The following TSTD2 variants were observed in gnomAD, a reference collection of about 807,000 sequenced individuals.
The protein encoded by TSTD2 is thiosulfate sulfurtransferase like domain containing 2.
Under a neutral mutation model 47.9 loss-of-function variants are expected in TSTD2, and 37 were observed. The ratio of observed to expected loss-of-function variants is 0.77; its 90% confidence interval spans 0.59 to 1.02. TSTD2 has a LOEUF of 1.02. TSTD2 is among the 50% of genes least tolerant of loss of function. TSTD2 has a pLI of 0.00. For synonymous variants in TSTD2, 201 were observed against 215.9 expected (o/e 0.93, Z 0.61); for missense variants, 586 against 616.0 (o/e 0.95, Z 0.52).
intron 8 of TSTD2, 33 bp downstream of exon 8, chr9:97,605,450 C>T: frequency 6.2e-7 from 1 of 1,610,440 alleles, no homozygotes; most frequent in Non-Finnish European, 8.5e-7. Flanking sequence ...TCCTTCACTG[C>T]CATGCCCACA....
At position 97,602,775 on chromosome 9, in the gene TSTD2, G is replaced by A; in HGVS notation, c.1253-8C>T. 1 of 1,593,196 alleles carries A rather than the reference G, an allele frequency of 6.3e-7. No homozygotes were observed. The highest frequency in any genetic ancestry group is 8.6e-7 in the Non-Finnish European group (1 of 1,167,544). ...CTCCACAGTATGAACACTCTGGGGA[G>A]GAAGGAAAAGCCATCATTATAAACA... On this transcript the variant is annotated splice_region_variant and splice_polypyrimidine_tract_variant and intron_variant, in intron 9 of 9. Transcript: ENST00000341170.
At chr9:97,611,921 CTG>C (rs888966137) in intron 4 of TSTD2, among the ~76,000 whole-genome samples, 49 of 152,162 alleles carry the variant, frequency 3.2e-4, no homozygotes, top group African/African-American at 1.1e-3. Context: ...GCAGGTAAAA[CTG>C]TGTCATGGGG....
intron 3 of TSTD2, among the ~76,000 whole-genome samples, chr9:97,625,105 CTCT>C (rs1156625556): frequency 6.6e-6 from 1 of 152,102 alleles, no homozygotes; most frequent in Non-Finnish European, 1.5e-5. Flanking sequence ...CTCAAAAAAT[CTCT>C]TGTGTATTCC....
intron 6 of TSTD2, among the ~76,000 whole-genome samples, chr9:97,609,577 G>T (rs1054260936): frequency 2.0e-5 from 3 of 152,182 alleles, no homozygotes; most frequent in African/African-American, 7.2e-5. Flanking sequence ...GGAATTGAGT[G>T]ACTAAACCAA....
At chr9:97,618,717 T>C (rs1414861522) in intron 3 of TSTD2, among the ~76,000 whole-genome samples, 1 of 152,162 alleles carries the variant, frequency 6.6e-6, no homozygotes, top group African/African-American at 2.4e-5. Context: ...GAACTAGTGT[T>C]CCACAGAACA....
At chr9:97,604,940 A>T in intron 8 of TSTD2, 75 bp from the exon 9 acceptor site, 1 of 1,577,472 alleles carries the variant, frequency 6.3e-7, no homozygotes, top group Non-Finnish European at 8.6e-7. Context: ...AGAACGGCGC[A>T]TGGCGAGGAG....
intron 7 of TSTD2, 64 bp from the exon 8 acceptor site, chr9:97,605,705 C>G: frequency 1.2e-6 from 2 of 1,601,884 alleles, no homozygotes; most frequent in East Asian, 2.2e-5. Context: ...AACAAAGGTT[C>G]TTTTTGTACC....
At position 97,600,987 on chromosome 9, in the gene TSTD2, C is replaced by T; in HGVS notation, c.*1482G>A. The T allele has an allele frequency of 8.2e-7, 1 of 1,225,414 alleles. No individual in the cohort carries two copies. Among genetic ancestry groups the T allele is most frequent in the African/African-American group, 1.6e-5 (1 of 63,220 alleles). The allele number at this position is 1,225,414 out of a possible 1,614,324, so 75.9% of individuals were successfully genotyped here. A position where few individuals can be genotyped will look rare whatever the true frequency, so the allele number is the denominator to read the frequency against. On this transcript the variant is annotated 3_prime_UTR_variant, in exon 10 of 10. Transcript: ENST00000341170. ...TCATGATAAAGGACAAGGTCAAGAA[C>T]TCCAGAGCACTGAGCAGAGAGGCTG...
At position 97,600,648 on chromosome 9, in the gene TSTD2, CACTTATT is replaced by C; in HGVS notation, c.*1814_*1820del. On this transcript the variant is annotated 3_prime_UTR_variant, in exon 10 of 10. Coordinates refer to ENST00000341170, the MANE Select transcript of TSTD2 (RefSeq NM_139246.5). ...TAGAGACTTCAGCTACTGATCTCAT[CACTTATT>C]AGACAAATTGCTGCTGACCTTACGC... is the stretch of plus-strand genomic sequence containing the variant. The C allele has an allele frequency of 1.0e-6, 1 of 990,382 alleles. No homozygotes were observed. Among genetic ancestry groups the C allele is most frequent in the Non-Finnish European group, 1.2e-6 (1 of 833,060 alleles). 61.3% of individuals were successfully genotyped at this position (990,382 alleles called of 1,614,324 possible).
intron 9 of TSTD2, 134 bp downstream of exon 9, chr9:97,604,593 A>C (rs1176393498): frequency 5.3e-6 from 7 of 1,316,348 alleles, no homozygotes; most frequent in Non-Finnish European, 6.2e-6. Context: ...ATGGTGGCAC[A>C]ATGTACTTAT....
intron 8 of TSTD2, 114 bp downstream of exon 8, chr9:97,605,369 C>T: frequency 7.4e-7 from 1 of 1,343,308 alleles, no homozygotes; most frequent in Non-Finnish European, 1.0e-6. Flanking sequence ...TGAAGGCATG[C>T]TTTGGCTGCC....
rs150512295 is a variant in TSTD2 at position 97,613,990 on chromosome 9, G to A, written c.604-2291C>T. 1.4e-4 allele frequency among the ~76,000 whole-genome samples: 22 copies of A among 151,828 alleles called. No individual in the cohort carries two copies. In the East Asian group the frequency reaches 3.5e-3, roughly 24 times the overall value. ...ACTACAGGTGCCCGCCACCACGCCC[G>A]GCTAATTTTTCATATTTTTAGTAGA... is the stretch of plus-strand genomic sequence containing the variant. On this transcript the variant is annotated intron_variant, in intron 4 of 9. Coordinates refer to ENST00000341170, the MANE Select transcript of TSTD2 (RefSeq NM_139246.5).
intron 3 of TSTD2, among the ~76,000 whole-genome samples, chr9:97,624,405 C>A (rs1178862055): frequency 1.3e-5 from 2 of 152,050 alleles, no homozygotes; most frequent in Non-Finnish European, 2.9e-5. Context: ...CATGAGTGAA[C>A]CTGGAAACAG....
At chr9:97,607,010 T>A (rs1010328478) in intron 6 of TSTD2, among the ~76,000 whole-genome samples, 1 of 151,904 alleles carries the variant, frequency 6.6e-6, no homozygotes, top group Non-Finnish European at 1.5e-5. Flanking sequence ...AAAAAAAATT[T>A]AAAAAATTAG....
At chr9:97,625,277 T>C (rs548183027) in intron 3 of TSTD2, among the ~76,000 whole-genome samples, 1 of 152,262 alleles carries the variant, frequency 6.6e-6, no homozygotes, top group African/African-American at 2.4e-5. Context: ...TAGCACTTTA[T>C]TGTCGTGCAA....
At chr9:97,607,283 T>C (rs1826381727) in intron 6 of TSTD2, among the ~76,000 whole-genome samples, 1 of 152,186 alleles carries the variant, frequency 6.6e-6, no homozygotes, top group South Asian at 2.1e-4. Context: ...GAAATCTCAG[T>C]AGATTGTGAG....
Position 97,600,763 on chromosome 9 carries a change from A to T in TSTD2, c.*1706T>A, listed in dbSNP as rs1587971846. On this transcript the variant is annotated 3_prime_UTR_variant, in exon 10 of 10. Transcript: ENST00000341170. ...GGAATTGGGAAATCCTGGCCAAACC[A>T]CCCCAAGATGATTACACTGAAATGT... is the stretch of plus-strand genomic sequence containing the variant. 3 of 1,008,172 alleles carry T rather than the reference A, an allele frequency of 3.0e-6. No individual in the cohort carries two copies. The highest frequency in any genetic ancestry group is 3.6e-6 in the Non-Finnish European group (3 of 843,510). The allele number at this position is 1,008,172 out of a possible 1,614,324, so 62.5% of individuals were successfully genotyped here. A position where few individuals can be genotyped will look rare whatever the true frequency, so the allele number is the denominator to read the frequency against.
Position 97,601,613 on chromosome 9 carries a change from A to G in TSTD2, c.*856T>C. The G allele has an allele frequency of 1.0e-6, 1 of 987,738 alleles. No individual in the cohort carries two copies. The highest frequency in any genetic ancestry group is 1.1e-4 in the East Asian group (1 of 8,858). The allele number at this position is 987,738 out of a possible 1,614,324, so 61.2% of individuals were successfully genotyped here. A position where few individuals can be genotyped will look rare whatever the true frequency, so the allele number is the denominator to read the frequency against. On this transcript the variant is annotated 3_prime_UTR_variant, in exon 10 of 10. Coordinates refer to ENST00000341170, the MANE Select transcript of TSTD2 (RefSeq NM_139246.5). ...TCAGGGGCTGGCAAACTTTTCTGTA[A>G]AAGGCCAGACAGTAAAAATTTCCGA...
chr9:97,627,333 C>G, intron 2 of TSTD2, 65 bp downstream of exon 2: 8 of 1,500,848 alleles, frequency 5.3e-6, no homozygotes, highest in Non-Finnish European at 5.4e-6. Context: ...CCTTGATAAC[C>G]GACTTCCAAA....
Sources: gnomAD v4.1 joint callset for allele counts (sites outside exome capture counted in the v4.1 genomes callset) on GRCh38, gnomAD v4.1.1 for gene constraint, MANE v1.5 for transcripts, NCBI Gene and HGNC (gene_info 2026-07-23, HGNC 2026-07-21) for gene names.